HS2ST1: variants seen among roughly 807,000 people sequenced by gnomAD.
The protein encoded by HS2ST1 is heparan sulfate 2-O-sulfotransferase 1, also known as 2-O-sulfotransferase.
Under a neutral mutation model 42.9 loss-of-function variants are expected in HS2ST1, and 18 were observed. That is an observed-to-expected ratio of 0.42 (90% CI 0.29 to 0.62). The LOEUF is 0.62. HS2ST1 is among the 20% of genes least tolerant of loss of function. The pLI, the probability that HS2ST1 is intolerant of heterozygous loss-of-function variation, is 0.21. For synonymous variants in HS2ST1, 146 were observed against 152.9 expected, an observed-to-expected ratio of 0.95 and a Z score of 0.33; for missense variants, 334 against 433.8, an observed-to-expected ratio of 0.77 and a Z score of 2.04.
rs143770133 is a variant in HS2ST1 at position 87,088,544 on chromosome 1, G to A, written c.450-3987G>A. ...AAACATTTGCATACAGGTTTTGTGC[G>A]GACTTATGTCTTAACTTCTCTTGGA... On this transcript the variant is annotated intron_variant, in intron 3 of 6. Transcript: ENST00000370550. Among the ~76,000 whole-genome samples the A allele has an allele frequency of 2.1e-4, 32 of 152,100 alleles. No individual in the cohort carries two copies. The East Asian group carries it at 3.1e-3, about 15-fold the overall frequency.
chr1:87,037,625 A>G (rs1484927737), intron 1 of HS2ST1, among the ~76,000 whole-genome samples: 2 of 151,418 alleles, frequency 1.3e-5, no homozygotes, highest in South Asian at 2.1e-4. Context: ...ACCATCTCCA[A>G]TTCTGATCCT....
intron 5 of HS2ST1, 77 bp downstream of exon 5, chr1:87,098,012 T>TAG (rs1652110620): frequency 1.3e-6 from 2 of 1,594,758 alleles, no homozygotes; most frequent in Non-Finnish European, 1.7e-6. Flanking sequence ...TCACAAGGGC[T>TAG]AGATATAGGG....
At chr1:86,950,706 T>G (rs1026238683) in intron 1 of HS2ST1, among the ~76,000 whole-genome samples, 3 of 152,204 alleles carry the variant, frequency 2.0e-5, no homozygotes, top group African/African-American at 7.2e-5. Flanking sequence ...TGCAAGTATG[T>G]GTAAAGAGAG....
intron 1 of HS2ST1, among the ~76,000 whole-genome samples, chr1:87,030,804 G>A (rs1200578147): frequency 3.3e-5 from 5 of 152,172 alleles, no homozygotes; most frequent in African/African-American, 1.2e-4. Context: ...CCTGAATACA[G>A]AGTAGGACTG....
rs150775849 is a variant in HS2ST1 at position 86,922,419 on chromosome 1, TTGTG to T, written c.124+7283_124+7286del. Among the ~76,000 whole-genome samples, 540 of 147,830 alleles carry T rather than the reference TTGTG, an allele frequency of 3.7e-3. 6 individuals are homozygous for T. Among genetic ancestry groups the T allele is most frequent in the African/African-American group, 0.012 (495 of 40,070 alleles). On this transcript the variant is annotated intron_variant, in intron 1 of 6. Coordinates refer to ENST00000370550, the MANE Select transcript of HS2ST1 (RefSeq NM_012262.4). ...TTTACCATTCCCAGTGTTCTTCATT[TTGTG>T]TGTGTGTGTGTGTGTGTGTGTGTAT... is the stretch of plus-strand genomic sequence containing the variant.
intron 1 of HS2ST1, among the ~76,000 whole-genome samples, chr1:87,041,549 C>T (rs1650526409): frequency 6.6e-6 from 1 of 152,174 alleles, no homozygotes; most frequent in Admixed American, 6.5e-5. Flanking sequence ...ACCTCTGGAA[C>T]TTCATCTTGC....
intron 1 of HS2ST1, among the ~76,000 whole-genome samples, chr1:87,071,894 A>G (rs1651421792): frequency 6.6e-6 from 1 of 152,078 alleles, no homozygotes; most frequent in African/African-American, 2.4e-5. Flanking sequence ...TACGTGCTAT[A>G]TGTGTAACTA....
intron 1 of HS2ST1, among the ~76,000 whole-genome samples, chr1:87,060,240 A>G (rs1450527707): frequency 3.3e-5 from 5 of 152,162 alleles, no homozygotes; most frequent in Non-Finnish European, 5.9e-5. Flanking sequence ...CTTATTTACC[A>G]TGCCTATTTC....
intron 3 of HS2ST1, among the ~76,000 whole-genome samples, chr1:87,092,301 T>G (rs1651964867): frequency 6.6e-6 from 1 of 152,070 alleles, no homozygotes; most frequent in African/African-American, 2.4e-5. Flanking sequence ...TTTATCTCCT[T>G]TATCTTCAGA....
intron 1 of HS2ST1, among the ~76,000 whole-genome samples, chr1:87,018,427 T>G (rs930857395): frequency 2.0e-5 from 3 of 152,174 alleles, no homozygotes; most frequent in African/African-American, 7.2e-5. Context: ...CCCTATACCC[T>G]ATCCACCCAC....
At chr1:87,075,731 ATTG>A (rs1333283930) in intron 2 of HS2ST1, among the ~76,000 whole-genome samples, 2 of 152,032 alleles carry the variant, frequency 1.3e-5, no homozygotes, top group Non-Finnish European at 2.9e-5. Context: ...TATATTAGGT[ATTG>A]TTCTAAACTG....
intron 1 of HS2ST1, among the ~76,000 whole-genome samples, chr1:87,022,131 G>A (rs1348068628): frequency 6.6e-6 from 1 of 151,908 alleles, no homozygotes; most frequent in African/African-American, 2.4e-5. Flanking sequence ...ATTTTAATTT[G>A]AAAAAAACAG....
intron 1 of HS2ST1, among the ~76,000 whole-genome samples, chr1:87,048,910 A>G (rs1250471148): frequency 2.0e-5 from 3 of 152,154 alleles, no homozygotes; most frequent in Admixed American, 6.5e-5. Context: ...TTTTGGTATC[A>G]AAGGCTGGCT....
At chr1:86,945,696 C>T (rs537840257) in intron 1 of HS2ST1, among the ~76,000 whole-genome samples, 5 of 152,232 alleles carry the variant, frequency 3.3e-5, no homozygotes, top group East Asian at 1.9e-4. Context: ...TGCCAGGCAT[C>T]GGAAGAACTT....
chr1:87,002,034 A>C (rs1015865144), intron 1 of HS2ST1, among the ~76,000 whole-genome samples: 5 of 149,668 alleles, frequency 3.3e-5, no homozygotes, highest in African/African-American at 1.2e-4. Context: ...TACCTCAGCC[A>C]CCCGAGTAGC....
chr1:86,932,758 T>C (rs1570429535), intron 1 of HS2ST1, among the ~76,000 whole-genome samples: 2 of 152,132 alleles, frequency 1.3e-5, no homozygotes, highest in Non-Finnish European at 2.9e-5. Flanking sequence ...AGTACAGCAA[T>C]CCAGGTTAGG....
At chr1:87,066,806 G>A (rs1306582188) in intron 1 of HS2ST1, among the ~76,000 whole-genome samples, 2 of 151,846 alleles carry the variant, frequency 1.3e-5, no homozygotes, top group African/African-American at 4.8e-5. Context: ...TCCCACTTAT[G>A]AGTGAGAACA....
At chr1:86,964,407 T>C (rs1382971191) in intron 1 of HS2ST1, among the ~76,000 whole-genome samples, 2 of 152,240 alleles carry the variant, frequency 1.3e-5, no homozygotes, top group East Asian at 3.9e-4. Flanking sequence ...AGGCCGAGGC[T>C]GGCAGATCAC....
At chr1:87,058,277 G>A (rs1361461930) in intron 1 of HS2ST1, among the ~76,000 whole-genome samples, 1 of 151,522 alleles carries the variant, frequency 6.6e-6, no homozygotes, top group African/African-American at 2.4e-5. Flanking sequence ...TCTTTACTTT[G>A]CACTACTAAT....
Sources: gnomAD v4.1 joint callset for allele counts (sites outside exome capture counted in the v4.1 genomes callset) on GRCh38, gnomAD v4.1.1 for gene constraint, MANE v1.5 for transcripts, NCBI Gene and HGNC (gene_info 2026-07-23, HGNC 2026-07-21) for gene names.